The following CDK11B variants were observed in gnomAD, a reference collection of about 807,000 sequenced individuals.
CDK11B encodes the protein cyclin dependent kinase 11B.
In CDK11B, 37 loss-of-function variants were observed where a neutral mutation model predicts 84.0. The ratio of observed to expected loss-of-function variants is 0.44; its 90% confidence interval spans 0.34 to 0.58. CDK11B has a LOEUF of 0.58. Among genes scored for constraint, CDK11B ranks in the 20% least tolerant of loss-of-function variants. The pLI is 0.02. For synonymous variants in CDK11B, 269 were observed against 309.8 expected (o/e 0.87, Z 1.38); for missense variants, 427 against 834.0 (o/e 0.51, Z 6.01).
At chr1:1,649,440 G>T (rs1641605659) in intron 5 of CDK11B, 59 bp downstream of exon 5, 3 of 1,271,698 alleles carry the variant, frequency 2.4e-6, no homozygotes, top group African/African-American at 1.5e-5. Context: ...TTCATTTCTA[G>T]GATGGGACAC....
intron 3 of CDK11B, among the ~76,000 whole-genome samples, chr1:1,654,910 G>A (rs188086298): frequency 2.8e-4 from 42 of 151,444 alleles, no homozygotes; most frequent in African/African-American, 9.5e-4. Flanking sequence ...CGCCCACCTC[G>A]GCCTCCCAAA....
intron 11 of CDK11B, among the ~76,000 whole-genome samples, chr1:1,639,767 A>G (rs1557669564): frequency 1.3e-5 from 2 of 152,072 alleles, no homozygotes; most frequent in Non-Finnish European, 2.9e-5. Flanking sequence ...GGCCACTGGC[A>G]CCTTCTCAGG....
At chr1:1,655,865 G>A (rs1642677620) in intron 2 of CDK11B, among the ~76,000 whole-genome samples, 1 of 152,072 alleles carries the variant, frequency 6.6e-6, no homozygotes, top group Non-Finnish European at 1.5e-5. Context: ...CCTGGCGACA[G>A]AGTTAGACTC....
chr1:1,643,581 C>G (rs1325809604), intron 6 of CDK11B, among the ~76,000 whole-genome samples: 2 of 147,220 alleles, frequency 1.4e-5, no homozygotes, highest in Admixed American at 1.3e-4. Flanking sequence ...CCTCAGAGAA[C>G]GAAAGGAAGA....
chr1:1,639,330 T>C (rs1272106331), intron 11 of CDK11B, among the ~76,000 whole-genome samples: 4 of 151,696 alleles, frequency 2.6e-5, no homozygotes, highest in African/African-American at 7.3e-5. Flanking sequence ...AATGGGAGGA[T>C]TGTTTGAGCC....
intron 15 of CDK11B, 24 bp downstream of exon 15, chr1:1,637,057 T>C (rs1225999336): frequency 1.2e-6 from 2 of 1,613,440 alleles, no homozygotes. Flanking sequence ...CTCCCTGGGA[T>C]GGGCCACTCG....
chr1:1,655,429 T>C lies in CDK11B; in HGVS notation c.167A>G (p.His56Arg). 3.1e-6 allele frequency: 5 copies of C among 1,611,966 alleles called. No homozygotes were observed. The highest frequency in any genetic ancestry group is 1.7e-5 in the Admixed American group (1 of 60,002). ...GTTCCTTATTGTGATCTCCATGCGG[T>C]GATCTCTCAGCTCCCCCTCCTCAAG... ...DSLEEGELRD[H>R]RMEITIRNSP... The change falls in exon 3 of 20, where the codon CAC (histidine) becomes CGC (arginine). Residue 56 changes from histidine to arginine, a missense_variant. His to Arg is a conservative substitution (Grantham distance 29). Coordinates refer to ENST00000341832, the MANE Select transcript of CDK11B (RefSeq NM_033486.3).
At chr1:1,639,994 G>A (rs1224902178) in intron 11 of CDK11B, among the ~76,000 whole-genome samples, 3 of 151,676 alleles carry the variant, frequency 2.0e-5, no homozygotes, top group East Asian at 1.9e-4. Context: ...GACGCAACTC[G>A]GGCAGCAGTG....
chr1:1,639,188 G>A (rs1392436633), intron 11 of CDK11B, among the ~76,000 whole-genome samples: 1 of 151,636 alleles, frequency 6.6e-6, no homozygotes, highest in African/African-American at 2.4e-5. Flanking sequence ...TCCGCCCACC[G>A]CCTCGGCCTC....
intron 3 of CDK11B, among the ~76,000 whole-genome samples, chr1:1,653,623 T>A (rs1168989983): frequency 6.6e-6 from 1 of 151,756 alleles, no homozygotes; most frequent in Non-Finnish European, 1.5e-5. Context: ...ACCCAGCCAT[T>A]CACATCATAT....
At chr1:1,636,544 C>G (rs1426917363) in intron 17 of CDK11B, 63 bp from the exon 18 acceptor site, 2 of 1,577,652 alleles carry the variant, frequency 1.3e-6, no homozygotes, top group Non-Finnish European at 1.7e-6. Flanking sequence ...ACCTGTGTCC[C>G]GTCAGAGAAG....
Position 1,636,321 on chromosome 1 carries a change from C to T in CDK11B, c.2066+12G>A. On this transcript the variant is annotated intron_variant, in intron 18 of 19. Transcript: ENST00000341832. ...CTCGGGACCTCCCGCCACCCGGCTG[C>T]ACTGGGCTCACTTGTTCATGAGGTC... is the stretch of plus-strand genomic sequence containing the variant. 1.3e-6 allele frequency: 2 copies of T among 1,558,692 alleles called. No individual in the cohort carries two copies. The highest frequency in any genetic ancestry group is 1.7e-6 in the Non-Finnish European group (2 of 1,152,802).
intron 6 of CDK11B, 115 bp from the exon 7 acceptor site, chr1:1,642,623 CG>C: frequency 8.5e-6 from 1 of 117,176 alleles, no homozygotes; most frequent in Non-Finnish European, 1.5e-5. Flanking sequence ...ACACCCACAG[CG>C]TGCACAGGGT....
Position 1,652,421 on chromosome 1 carries a change from A to C in CDK11B, c.355+18T>G, listed in dbSNP as rs1397854555. 1.7e-5 allele frequency: 25 copies of C among 1,488,596 alleles called. No homozygotes were observed. Among genetic ancestry groups the C allele is most frequent in the East Asian group, 2.7e-5 (1 of 37,468 alleles). 92.2% of individuals were successfully genotyped at this position (1,488,596 alleles called of 1,614,324 possible). On this transcript the variant is annotated intron_variant, in intron 4 of 19. Coordinates refer to ENST00000341832, the MANE Select transcript of CDK11B (RefSeq NM_033486.3). ...CCACACTTGAACATGATGTCAAAGA[A>C]AGTAAATGCTTCTGTACCCCCTTCT...
intron 5 of CDK11B, among the ~76,000 whole-genome samples, chr1:1,647,810 G>A (rs1641368604): frequency 6.6e-6 from 1 of 152,168 alleles, no homozygotes; most frequent in Admixed American, 6.5e-5. Flanking sequence ...GAGGATGCTG[G>A]TGGGCAAGGC....
rs575700439 is a variant in CDK11B, at chr1:1,655,352, T to A, written c.227+17A>T. 6.0e-5 allele frequency: 96 copies of A among 1,612,312 alleles called. No homozygotes were observed. Among genetic ancestry groups the A allele is most frequent in the Admixed American group, 1.2e-4 (7 of 59,874 alleles). On this transcript the variant is annotated intron_variant, in intron 3 of 19. Transcript: ENST00000341832. ...GCTGTGTACAGCTGGGTCTTGCACATCTGTACATCCGCTCACCTGTCTTCC... is the reference window on the plus strand; with the variant it reads ...GCTGTGTACAGCTGGGTCTTGCACAACTGTACATCCGCTCACCTGTCTTCC...
intron 5 of CDK11B, among the ~76,000 whole-genome samples, chr1:1,648,645 C>G (rs1337499568): frequency 6.6e-6 from 1 of 152,182 alleles, no homozygotes; most frequent in African/African-American, 2.4e-5. Context: ...CGGAACAGAT[C>G]TGGGGCTACA....
chr1:1,639,464 C>T (rs544773140), intron 11 of CDK11B, among the ~76,000 whole-genome samples: 70 of 151,980 alleles, frequency 4.6e-4, no homozygotes, highest in Non-Finnish European at 5.2e-4. Context: ...TGGATGTGTC[C>T]CCTGCTTGTA....
intron 3 of CDK11B, among the ~76,000 whole-genome samples, chr1:1,653,811 G>A (rs4648758): frequency 0.36 from 50,980 of 140,786 alleles, 9,529 homozygotes; most frequent in African/African-American, 0.53. Context: ...AGTGAAATCC[G>A]TCTCTACTAA....
Sources: gnomAD v4.1 joint callset for allele counts (sites outside exome capture counted in the v4.1 genomes callset) on GRCh38, gnomAD v4.1.1 for gene constraint, MANE v1.5 for transcripts, NCBI Gene and HGNC (gene_info 2026-07-23, HGNC 2026-07-21) for gene names.